Variants in CCDC30 observed in about 807,000 individuals in gnomAD.
CCDC30 encodes the protein coiled-coil domain containing 30, also known as coiled-coil domain-containing protein 30.
A neutral mutation model predicts 100.2 loss-of-function variants in CCDC30; 70 were observed. That is an observed-to-expected ratio of 0.70 (90% confidence interval 0.58 to 0.85). CCDC30 has a LOEUF of 0.85. Ranked by LOEUF, CCDC30 falls within the 40% of genes least tolerant of loss-of-function variation. The pLI, the probability that CCDC30 is intolerant of heterozygous loss-of-function variation, is 0.00. For missense variants in CCDC30, 652 were observed against 771.2 expected, an observed-to-expected ratio of 0.85 and a Z score of 1.83; for synonymous variants, 233 against 269.5, an observed-to-expected ratio of 0.86 and a Z score of 1.33.
chr1:42,529,706 G>A (rs1644778320), intron 6 of CCDC30: 1 of 152,194 alleles, frequency 6.6e-6, no homozygotes, highest in South Asian at 2.1e-4. Context: ...AGTGAACTGA[G>A]TGCTGTAGTC....
intron 6 of CCDC30, among the ~76,000 whole-genome samples, chr1:42,540,668 CAT>C (rs1280507438): frequency 1.6e-5 from 2 of 128,750 alleles, no homozygotes; most frequent in Admixed American, 7.5e-5. Context: ...CACACACACA[CAT>C]ACACATACAC....
At chr1:42,644,852 C>T (rs530998858) in intron 14 of CCDC30, 45 bp downstream of exon 18, 18 of 1,185,042 alleles carry the variant, frequency 1.5e-5, no homozygotes, top group South Asian at 1.5e-4. Context: ...ATGTGAAGTT[C>T]GGGTTGCTAC....
chr1:42,565,689 A>G (rs1287197446), intron 6 of CCDC30, among the ~76,000 whole-genome samples: 2 of 152,224 alleles, frequency 1.3e-5, no homozygotes, highest in African/African-American at 2.4e-5. Context: ...TTCCAGGTAT[A>G]TATCCAAGGG....
intron 11 of CCDC30, among the ~76,000 whole-genome samples, chr1:42,623,690 T>A (rs1411715316): frequency 6.6e-6 from 1 of 152,224 alleles, no homozygotes; most frequent in Admixed American, 6.5e-5. Flanking sequence ...TTGTTCTTTA[T>A]GCTTAGGATG....
chr1:42,457,381 T>C, the CCDC30 span: 1 of 1,576,398 alleles, frequency 6.3e-7, no homozygotes, highest in South Asian at 1.1e-5. Context: ...AGAGATCTAA[T>C]CCCATATAAC....
chr1:42,538,179 A>AAAAAAAC (rs1644944119), intron 6 of CCDC30, among the ~76,000 whole-genome samples: 1 of 130,338 alleles, frequency 7.7e-6, no homozygotes, highest in Non-Finnish European at 1.7e-5. Flanking sequence ...AAAAAAAAAA[A>AAAAAAAC]ATTAGCCAGG....
At chr1:42,489,417 G>GT (rs1644101600) in intron 3 of CCDC30, among the ~76,000 whole-genome samples, 1 of 152,162 alleles carries the variant, frequency 6.6e-6, no homozygotes. Flanking sequence ...AATCTGGTGG[G>GT]TTATCCTGGG....
chr1:42,650,505 G>GTA (rs1557497728), intron 15 of CCDC30, among the ~76,000 whole-genome samples: 6 of 144,906 alleles, frequency 4.1e-5, no homozygotes, highest in African/African-American at 1.6e-4. Flanking sequence ...ATATGTGTGT[G>GTA]TGTGTGTGTG....
chr1:42,548,656 G>A (rs544634476), intron 6 of CCDC30, among the ~76,000 whole-genome samples: 2 of 152,100 alleles, frequency 1.3e-5, no homozygotes, highest in East Asian at 1.9e-4. Context: ...TCATGACATG[G>A]TCATGCAATT....
At chr1:42,479,142 G>A (rs1383598081) in intron 1 of CCDC30, among the ~76,000 whole-genome samples, 1 of 152,134 alleles carries the variant, frequency 6.6e-6, no homozygotes, top group Non-Finnish European at 1.5e-5. Flanking sequence ...TTGGGAGGCC[G>A]AGTTGGGCGG....
At chr1:42,656,375 A>G (rs1017780346), downstream of CCDC30, among the ~76,000 whole-genome samples, 7 of 152,206 alleles carry the variant, frequency 4.6e-5, no homozygotes, top group African/African-American at 1.7e-4. Flanking sequence ...TCACGCCTAT[A>G]ATCCCAGCAT....
chr1:42,538,923 A>G (rs1644960245), intron 6 of CCDC30, among the ~76,000 whole-genome samples: 1 of 152,272 alleles, frequency 6.6e-6, no homozygotes, highest in African/African-American at 2.4e-5. Flanking sequence ...AGGACTCTAG[A>G]AACTAAATCT....
intron 6 of CCDC30, among the ~76,000 whole-genome samples, chr1:42,548,723 G>A (rs192113428): frequency 8.8e-4 from 134 of 152,288 alleles, no homozygotes; most frequent in African/African-American, 3.0e-3. Context: ...TGGAAGAAGC[G>A]ATGCCAAGGC....
At chr1:42,553,587 TCAA>T (rs1325521157) in intron 6 of CCDC30, among the ~76,000 whole-genome samples, 4 of 150,338 alleles carry the variant, frequency 2.7e-5, no homozygotes, top group African/African-American at 9.8e-5. Flanking sequence ...GCCCAGGAGT[TCAA>T]GGCTGCAGTG....
chr1:42,628,360 C>T (rs75745479), intron 11 of CCDC30, among the ~76,000 whole-genome samples: 1,666 of 152,178 alleles, frequency 0.011, 23 homozygotes, highest in African/African-American at 0.039. Context: ...GCCTTGTTTC[C>T]GATGACACTT....
chr1:42,644,972 C>G (rs1489574368), intron 14 of CCDC30, among the ~76,000 whole-genome samples, 165 bp downstream of exon 18: 1 of 152,052 alleles, frequency 6.6e-6, no homozygotes, highest in African/African-American at 2.4e-5. Flanking sequence ...GATAGCAGAC[C>G]CTGAGACTGC....
intron 11 of CCDC30, among the ~76,000 whole-genome samples, chr1:42,617,641 C>A (rs1169997787): frequency 6.6e-6 from 1 of 152,040 alleles, no homozygotes; most frequent in Non-Finnish European, 1.5e-5. Context: ...TTGATCAGGT[C>A]GAAGACTAAA....
chr1:42,573,867 GAGA>G (rs1645782589), intron 7 of CCDC30, among the ~76,000 whole-genome samples: 1 of 151,942 alleles, frequency 6.6e-6, no homozygotes, highest in Non-Finnish European at 1.5e-5. Flanking sequence ...TGAATATTTT[GAGA>G]AGGTTTTTTA....
rs1019889359 is a variant in CCDC30 at position 42,542,651 on chromosome 1, C to T, written c.457-23645C>T. Reference sequence around the variant, plus strand: ...CTGCAAGCTCCGCTTCCCGGGTTCACGCCATTCTCCTGCCTCAGCCTCCCG... The same window carrying T: ...CTGCAAGCTCCGCTTCCCGGGTTCATGCCATTCTCCTGCCTCAGCCTCCCG... On this transcript the variant is annotated intron_variant, in intron 6 of 16. Coordinates refer to ENST00000668663, the Ensembl canonical transcript of CCDC30. The T allele has an allele frequency of 7.1e-5, 9 of 126,542 alleles. 1 individual carries two copies. The East Asian group carries it at 1.5e-3, about 21-fold the overall frequency. 7.8% of individuals were successfully genotyped at this position (126,542 alleles called of 1,614,324 possible).
Sources: gnomAD v4.1 joint callset for allele counts (sites outside exome capture counted in the v4.1 genomes callset) on GRCh38, gnomAD v4.1.1 for gene constraint, MANE v1.5 for transcripts, NCBI Gene and HGNC (gene_info 2026-07-23, HGNC 2026-07-21) for gene names.